Variants in TLE4 observed in about 807,000 individuals in gnomAD.
TLE4 encodes transducin-like enhancer protein 4.
Under a neutral mutation model 92.8 loss-of-function variants are expected in TLE4, and 8 were observed. The ratio of observed to expected loss-of-function variants is 0.09; its 90% CI spans 0.05 to 0.16. TLE4 has a LOEUF of 0.16. Among genes scored for constraint, TLE4 ranks in the 10% least tolerant of loss-of-function variants. The probability of loss-of-function intolerance (pLI) is 1.00; values close to 1 mark genes in which losing one functional copy is unlikely to be tolerated. For missense variants in TLE4, 675 were observed against 997.6 expected, an observed-to-expected ratio of 0.68 and a Z score of 4.36; for synonymous variants, 371 against 374.1, an observed-to-expected ratio of 0.99 and a Z score of 0.10.
Position 79,674,216 on chromosome 9 carries a change from G to A in TLE4, c.609+20141G>A, listed in dbSNP as rs2062872672. Among the ~76,000 whole-genome samples the A allele has an allele frequency of 2.0e-5, 3 of 152,126 alleles. No homozygotes were observed. The South Asian group carries it at 6.2e-4, about 31-fold the overall frequency. ...TGCCCCTGCTAGCTTTATGACCTTG[G>A]ACATGAATAATAATTAGCACTGTGG... On this transcript the variant is annotated intron_variant, in intron 8 of 19. Coordinates refer to ENST00000376552, the MANE Select transcript of TLE4 (RefSeq NM_007005.6).
chr9:79,714,889 C>T (rs548397759), intron 14 of TLE4, among the ~76,000 whole-genome samples: 1 of 152,206 alleles, frequency 6.6e-6, no homozygotes, highest in African/African-American at 2.4e-5. Flanking sequence ...TTCCCTCATA[C>T]CTTCCAGGAG....
chr9:79,676,743 A>G (rs2063328607), intron 8 of TLE4, among the ~76,000 whole-genome samples: 1 of 152,288 alleles, frequency 6.6e-6, no homozygotes, highest in South Asian at 2.1e-4. Flanking sequence ...CCTCTACTGC[A>G]TAACCACTTA....
intron 8 of TLE4, among the ~76,000 whole-genome samples, chr9:79,700,190 A>T (rs1269554893): frequency 1.3e-5 from 2 of 152,222 alleles, no homozygotes; most frequent in African/African-American, 4.8e-5. Flanking sequence ...GTTACCCCAG[A>T]CTAAAGAGAG....
chr9:79,644,976 T>C (rs1042403421), intron 6 of TLE4, among the ~76,000 whole-genome samples: 5 of 152,200 alleles, frequency 3.3e-5, no homozygotes, highest in African/African-American at 1.2e-4. Flanking sequence ...TATCTGTCTC[T>C]AGTCCTTGGC....
At chr9:79,706,961 T>C in intron 11 of TLE4, 62 bp downstream of exon 11, 4 of 1,582,966 alleles carry the variant, frequency 2.5e-6, no homozygotes. Context: ...TTGAATTTGA[T>C]GTTTTTATCT....
At chr9:79,593,363 T>C (rs78244231) in intron 4 of TLE4, among the ~76,000 whole-genome samples, 255 of 152,292 alleles carry the variant, frequency 1.7e-3, no homozygotes, top group African/African-American at 5.8e-3. Context: ...CACCCATGTA[T>C]CTAGTACTAA....
At chr9:79,603,864 A>G (rs941770825) in intron 4 of TLE4, among the ~76,000 whole-genome samples, 2 of 152,120 alleles carry the variant, frequency 1.3e-5, no homozygotes, top group African/African-American at 4.8e-5. Context: ...TGGAGCCTAC[A>G]TTCTCTAGAA....
intron 4 of TLE4, among the ~76,000 whole-genome samples, chr9:79,591,659 G>A (rs2042555850): frequency 6.6e-6 from 1 of 152,114 alleles, no homozygotes; most frequent in Admixed American, 6.5e-5. Context: ...AGTGAAGTCT[G>A]AACTAGGGAA....
intron 19 of TLE4, among the ~76,000 whole-genome samples, chr9:79,723,392 C>A (rs1296165634): frequency 1.3e-5 from 2 of 152,132 alleles, no homozygotes; most frequent in African/African-American, 4.8e-5. Context: ...TAAATACACT[C>A]TTGTTAGTAG....
chr9:79,653,244 A>G (rs1261308576), intron 7 of TLE4, among the ~76,000 whole-genome samples: 1 of 152,244 alleles, frequency 6.6e-6, no homozygotes, highest in Non-Finnish European at 1.5e-5. Flanking sequence ...CTCACAGGTA[A>G]GAAAACAATT....
At chr9:79,670,063 T>C (rs940043411) in intron 8 of TLE4, among the ~76,000 whole-genome samples, 2 of 152,126 alleles carry the variant, frequency 1.3e-5, no homozygotes, top group African/African-American at 2.4e-5. Context: ...ATCTATGTGA[T>C]TAAGTAGTTG....
chr9:79,709,750 TG>T (rs763917385), intron 14 of TLE4, 51 bp downstream of exon 14: 16 of 1,541,062 alleles, frequency 1.0e-5, no homozygotes, highest in Non-Finnish European at 1.3e-5. Flanking sequence ...TCAGGTCCCT[TG>T]CTGGCCCCGT....
Position 79,573,581 on chromosome 9 carries a change from C to A in TLE4, c.46-108C>A, listed in dbSNP as rs1420337403. 4.3e-6 allele frequency: 4 copies of A among 931,000 alleles called. No individual in the cohort carries two copies. In the South Asian group the frequency reaches 8.3e-5, roughly 19 times the overall value. 57.7% of individuals were successfully genotyped at this position (931,000 alleles called of 1,614,324 possible). On this transcript the variant is annotated intron_variant, in intron 1 of 19. Coordinates refer to ENST00000376552, the MANE Select transcript of TLE4 (RefSeq NM_007005.6). ...GAGAGTTTTAATCTCTCTTTGCTTG[C>A]GTGCGCGATGACCCTCACCCCCCGC... is the stretch of plus-strand genomic sequence containing the variant.
At chr9:79,638,404 A>G (rs553244028) in intron 6 of TLE4, among the ~76,000 whole-genome samples, 12 of 152,254 alleles carry the variant, frequency 7.9e-5, no homozygotes, top group African/African-American at 2.6e-4. Context: ...AATATTGCAA[A>G]CTTAAAAAAA....
At chr9:79,638,056 GGTT>G (rs535430576) in intron 6 of TLE4, among the ~76,000 whole-genome samples, 62 of 152,066 alleles carry the variant, frequency 4.1e-4, no homozygotes, top group Non-Finnish European at 7.5e-4. Context: ...ATTCTAGGAT[GGTT>G]GTTCAGAAAC....
At chr9:79,640,459 A>G (rs189794833) in intron 6 of TLE4, among the ~76,000 whole-genome samples, 14 of 152,066 alleles carry the variant, frequency 9.2e-5, no homozygotes, top group African/African-American at 3.1e-4. Flanking sequence ...CATTTAACAT[A>G]TAAGTTTCTA....
chr9:79,669,589 T>C (rs965555770), intron 8 of TLE4, among the ~76,000 whole-genome samples: 1 of 152,294 alleles, frequency 6.6e-6, no homozygotes. Context: ...GTTGGTATTA[T>C]TTCACCTAGT....
At chr9:79,687,684 C>T (rs1470285852) in intron 8 of TLE4, among the ~76,000 whole-genome samples, 1 of 152,148 alleles carries the variant, frequency 6.6e-6, no homozygotes, top group Non-Finnish European at 1.5e-5. Context: ...TGTTGCCTTA[C>T]TGCTCTTTGT....
chr9:79,665,371 A>G lies in TLE4; in HGVS notation c.609+11296A>G, dbSNP rs150619565. 2.8e-3 allele frequency among the ~76,000 whole-genome samples: 420 copies of G among 152,264 alleles called. 7 individuals are homozygous for G. The East Asian group carries it at 0.035, about 13-fold the overall frequency. On this transcript the variant is annotated intron_variant, in intron 8 of 19. Transcript: ENST00000376552. ...AGATTAGATACAATCCCTTCCTTCA[A>G]ATCATGTTCCTGTTAAAATATGGAA... is the stretch of plus-strand genomic sequence containing the variant.
Sources: allele counts gnomAD v4.1 joint callset (sites outside exome capture counted in the v4.1 genomes callset), GRCh38; gene constraint gnomAD v4.1.1; transcripts MANE v1.5; gene names NCBI Gene and HGNC (gene_info 2026-07-23, HGNC 2026-07-21).